Variants in CCDC91 observed in about 807,000 individuals in gnomAD.
CCDC91 encodes the protein coiled-coil domain containing 91, also known as coiled-coil domain-containing protein 91.
CCDC91 carries 48 observed loss-of-function variants against 63.2 expected under a neutral mutation model. The ratio of observed to expected loss-of-function variants is 0.76; its 90% CI spans 0.60 to 0.97. The LOEUF is 0.97. CCDC91 is among the 50% of genes least tolerant of loss of function. The pLI is 0.00. For missense variants in CCDC91, 500 were observed against 494.6 expected (o/e 1.01, Z -0.10); for synonymous variants, 167 against 165.8 (o/e 1.01, Z -0.06).
intron 8 of CCDC91, 23 bp downstream of exon 8, chr12:28,391,434 A>T (rs1945938984): frequency 7.3e-7 from 1 of 1,373,012 alleles, no homozygotes; most frequent in Non-Finnish European, 1.0e-6. Context: ...CACATCCATT[A>T]TATATTTATA....
intron 3 of CCDC91, among the ~76,000 whole-genome samples, chr12:28,272,636 T>A (rs1947865475): frequency 6.6e-6 from 1 of 152,028 alleles, no homozygotes; most frequent in Admixed American, 6.6e-5. Flanking sequence ...TTCTGCTATT[T>A]GATGCCGTAA....
chr12:28,278,365 G>A lies in CCDC91; in HGVS notation c.109+18923G>A, dbSNP rs558266626. 8.5e-4 allele frequency among the ~76,000 whole-genome samples: 129 copies of A among 151,654 alleles called. 1 individual carries two copies. Among genetic ancestry groups the A allele is most frequent in the African/African-American group, 2.9e-3 (120 of 41,352 alleles). On this transcript the variant is annotated intron_variant, in intron 3 of 12. Transcript: ENST00000536442. ...CTTGATCCTTTTATATTTTCACTTC[G>A]ATGAAATCTTTTAATTGAAGATATC...
chr12:28,476,064 T>C (rs1391168596), intron 11 of CCDC91, among the ~76,000 whole-genome samples: 1 of 152,020 alleles, frequency 6.6e-6, no homozygotes, highest in East Asian at 1.9e-4. Flanking sequence ...TACCCCCAAA[T>C]CACTCTACCC....
intron 12 of CCDC91, among the ~76,000 whole-genome samples, chr12:28,532,143 T>G (rs1181519559): frequency 6.6e-6 from 1 of 151,986 alleles, no homozygotes; most frequent in African/African-American, 2.4e-5. Flanking sequence ...AAGAGAACCT[T>G]TGAGAAAAGG....
At chr12:28,383,904 G>A (rs1237781600) in intron 7 of CCDC91, among the ~76,000 whole-genome samples, 2 of 152,088 alleles carry the variant, frequency 1.3e-5, no homozygotes, top group Non-Finnish European at 2.9e-5. Flanking sequence ...GGCTATGTGT[G>A]TATTTGTGTG....
At chr12:28,240,550 C>T (rs1388202813) in intron 1 of CCDC91, among the ~76,000 whole-genome samples, 1 of 151,966 alleles carries the variant, frequency 6.6e-6, no homozygotes, top group Admixed American at 6.6e-5. Context: ...AGGAAAAACT[C>T]AGTAAGTCAA....
At chr12:28,478,259 C>T (rs1172659658) in intron 11 of CCDC91, among the ~76,000 whole-genome samples, 1 of 152,120 alleles carries the variant, frequency 6.6e-6, no homozygotes, top group Non-Finnish European at 1.5e-5. Context: ...GTTACCAAAA[C>T]AGAGATATAG....
At chr12:28,538,515 A>G (rs955292834) in intron 12 of CCDC91, among the ~76,000 whole-genome samples, 1 of 151,878 alleles carries the variant, frequency 6.6e-6, no homozygotes, top group Non-Finnish European at 1.5e-5. Context: ...ATTGTTGGAC[A>G]TTTTGGTTGG....
At chr12:28,338,831 T>C (rs997735758) in intron 6 of CCDC91, among the ~76,000 whole-genome samples, 3 of 151,960 alleles carry the variant, frequency 2.0e-5, no homozygotes, top group African/African-American at 7.2e-5. Flanking sequence ...TATATTTCTT[T>C]TTTTCTTTTT....
intron 12 of CCDC91, among the ~76,000 whole-genome samples, chr12:28,534,483 T>A (rs750150568): frequency 6.6e-6 from 1 of 152,174 alleles, no homozygotes; most frequent in African/African-American, 2.4e-5. Flanking sequence ...CTTTGCTTCC[T>A]GGGATTTTGT....
intron 3 of CCDC91, among the ~76,000 whole-genome samples, chr12:28,300,941 G>C (rs1202456819): frequency 6.6e-6 from 1 of 151,402 alleles, no homozygotes; most frequent in Non-Finnish European, 1.5e-5. Flanking sequence ...GGTTTCTGCT[G>C]GTCAAGTTTA....
chr12:28,238,917 C>T (rs955805778), intron 1 of CCDC91, among the ~76,000 whole-genome samples: 2 of 151,938 alleles, frequency 1.3e-5, no homozygotes, highest in African/African-American at 4.8e-5. Flanking sequence ...GTCAGAAGTT[C>T]GAGATCATCC....
At chr12:28,303,360 C>CT (rs924748302) in intron 3 of CCDC91, among the ~76,000 whole-genome samples, 6 of 151,934 alleles carry the variant, frequency 3.9e-5, no homozygotes, top group African/African-American at 1.4e-4. Flanking sequence ...CAACCTCTCC[C>CT]TTTCATCTCT....
chr12:28,373,229 A>C (rs1422968118), intron 7 of CCDC91, among the ~76,000 whole-genome samples: 1 of 152,104 alleles, frequency 6.6e-6, no homozygotes, highest in African/African-American at 2.4e-5. Flanking sequence ...TCTCTTATAC[A>C]CTATGAGTTA....
At chr12:28,503,776 T>C (rs534293829) in intron 12 of CCDC91, among the ~76,000 whole-genome samples, 71 of 152,278 alleles carry the variant, frequency 4.7e-4, no homozygotes, top group Admixed American at 1.2e-3. Flanking sequence ...TGAGTTCATG[T>C]CCTTTGTAGG....
chr12:28,437,218 T>C (rs11049599), intron 8 of CCDC91, among the ~76,000 whole-genome samples: 32,516 of 151,900 alleles, frequency 0.21, 4,196 homozygotes, highest in Non-Finnish European at 0.3. Flanking sequence ...GTTACAATGA[T>C]GATAATGGTT....
At chr12:28,399,312 G>T (rs1946475423) in intron 8 of CCDC91, among the ~76,000 whole-genome samples, 1 of 152,188 alleles carries the variant, frequency 6.6e-6, no homozygotes, top group Non-Finnish European at 1.5e-5. Flanking sequence ...ATCAGATCTT[G>T]TGAGAACTCA....
chr12:28,277,033 T>C (rs1371350707), intron 3 of CCDC91, among the ~76,000 whole-genome samples: 1 of 152,012 alleles, frequency 6.6e-6, no homozygotes, highest in Non-Finnish European at 1.5e-5. Context: ...ATTGAAGCCA[T>C]ATTTCATAAG....
chr12:28,396,109 A>G (rs1482706440), intron 8 of CCDC91, among the ~76,000 whole-genome samples: 1 of 152,252 alleles, frequency 6.6e-6, no homozygotes, highest in Non-Finnish European at 1.5e-5. Flanking sequence ...AAAGTTCCAT[A>G]GTATTAGGTG....
Sources: allele counts gnomAD v4.1 joint callset (sites outside exome capture counted in the v4.1 genomes callset), GRCh38; gene constraint gnomAD v4.1.1; transcripts MANE v1.5; gene names NCBI Gene and HGNC (gene_info 2026-07-23, HGNC 2026-07-21).